Variants in ARPP21 observed in about 807,000 individuals in gnomAD.
ARPP21 encodes cAMP regulated phosphoprotein 21.
A neutral mutation model predicts 113.2 loss-of-function variants in ARPP21; 69 were observed. The ratio of observed to expected loss-of-function variants is 0.61; its 90% CI spans 0.50 to 0.74. The LOEUF is 0.74. Among genes scored for constraint, ARPP21 ranks in the 30% least tolerant of loss-of-function variants. The probability of loss-of-function intolerance (pLI) is 0.00; values close to 1 mark genes in which losing one functional copy is unlikely to be tolerated. For missense variants in ARPP21, 1,070 were observed against 1,037.4 expected (o/e 1.03, Z -0.43); for synonymous variants, 368 against 375.5 (o/e 0.98, Z 0.23).
intron 1 of ARPP21, among the ~76,000 whole-genome samples, chr3:35,663,419 C>A (rs996368593): frequency 6.6e-6 from 1 of 152,170 alleles, no homozygotes; most frequent in Non-Finnish European, 1.5e-5. Flanking sequence ...TGATTTAATC[C>A]CCAGACAAAT....
At chr3:35,685,986 A>T (rs1162207089) in intron 5 of ARPP21, 1 of 185,734 alleles carries the variant, frequency 5.4e-6, no homozygotes, top group Non-Finnish European at 1.0e-5. Context: ...ACATGGCATC[A>T]GTTTGTACAT....
At chr3:35,686,594 C>T (rs1398358293) in intron 5 of ARPP21, among the ~76,000 whole-genome samples, 1 of 151,540 alleles carries the variant, frequency 6.6e-6, no homozygotes, top group African/African-American at 2.4e-5. Context: ...TGAGAGGGTA[C>T]AAGCATCAAT....
At chr3:35,777,062 G>A (rs974508845) in intron 19 of ARPP21, among the ~76,000 whole-genome samples, 4 of 152,076 alleles carry the variant, frequency 2.6e-5, no homozygotes, top group East Asian at 3.9e-4. Context: ...GCTGTACCTC[G>A]GCTCTTGTGG....
chr3:35,740,369 A>G (rs2094582863), intron 18 of ARPP21, among the ~76,000 whole-genome samples: 1 of 152,202 alleles, frequency 6.6e-6, no homozygotes, highest in African/African-American at 2.4e-5. Flanking sequence ...CCTAATTATG[A>G]AGTATTGCAT....
At position 35,674,403 on chromosome 3, in the gene ARPP21, C is replaced by T. The variant is rs550032046; in HGVS notation, c.-212-5384C>T. On this transcript the variant is annotated intron_variant, in intron 1 of 20. Coordinates refer to ENST00000684406, the MANE Select transcript of ARPP21 (RefSeq NM_001385562.1). ...TTCAGTTACACAAGGAATCATGAGGCCATTGCTCAAGTCTGAGATCCTGGC... is the reference window on the plus strand; with the variant it reads ...TTCAGTTACACAAGGAATCATGAGGTCATTGCTCAAGTCTGAGATCCTGGC... 8.4e-4 allele frequency among the ~76,000 whole-genome samples: 128 copies of T among 152,008 alleles called. 1 individual carries two copies. Among genetic ancestry groups the T allele is most frequent in the African/African-American group, 2.2e-3 (92 of 41,516 alleles).
chr3:35,709,876 T>C (rs775202554), intron 11 of ARPP21, among the ~76,000 whole-genome samples: 9 of 152,148 alleles, frequency 5.9e-5, no homozygotes, highest in Non-Finnish European at 1.3e-4. Flanking sequence ...ATGGCAAGCT[T>C]TGCTGAGTCT....
chr3:35,756,884 T>C (rs959581067), intron 19 of ARPP21, among the ~76,000 whole-genome samples: 1 of 152,152 alleles, frequency 6.6e-6, no homozygotes, highest in Non-Finnish European at 1.5e-5. Context: ...TTGAGTATTG[T>C]AGGAATATGC....
At chr3:35,786,509 G>A (rs4678807) in intron 19 of ARPP21, among the ~76,000 whole-genome samples, 72,770 of 150,044 alleles carry the variant, frequency 0.48, 19,800 homozygotes, top group African/African-American at 0.74. Context: ...GCCTGACGAC[G>A]GAGTGAGATT....
At chr3:35,656,085 T>C (rs1704741962) in intron 1 of ARPP21, among the ~76,000 whole-genome samples, 1 of 152,232 alleles carries the variant, frequency 6.6e-6, no homozygotes, top group Middle Eastern at 3.4e-3. Context: ...GAATTTACTT[T>C]CATTTAAAAA....
intron 1 of ARPP21, among the ~76,000 whole-genome samples, chr3:35,663,275 A>G (rs1430575211): frequency 6.6e-6 from 1 of 151,956 alleles, no homozygotes; most frequent in African/African-American, 2.4e-5. Flanking sequence ...CAGTTTTTTC[A>G]AAAAAGCTGT....
chr3:35,658,763 C>T (rs909604490), intron 1 of ARPP21, among the ~76,000 whole-genome samples: 4 of 151,726 alleles, frequency 2.6e-5, no homozygotes, highest in African/African-American at 9.7e-5. Flanking sequence ...CCCTTTTTGG[C>T]CCCCAGGCTC....
At chr3:35,661,341 T>G (rs1707730831) in intron 1 of ARPP21, among the ~76,000 whole-genome samples, 1 of 152,044 alleles carries the variant, frequency 6.6e-6, no homozygotes, top group Non-Finnish European at 1.5e-5. Context: ...AAACTTCACC[T>G]CCTCCAGGCA....
In ARPP21 at chr3:35,791,896, AT is replaced by A. The variant is rs1446829153; in HGVS notation, c.2138-483del. Among the ~76,000 whole-genome samples, 6 of 152,290 alleles carry A rather than the reference AT, an allele frequency of 3.9e-5. No homozygotes were observed. The East Asian group carries it at 1.2e-3, about 29-fold the overall frequency. On this transcript the variant is annotated intron_variant, in intron 19 of 20. Coordinates refer to ENST00000684406, the MANE Select transcript of ARPP21 (RefSeq NM_001385562.1). Reference sequence around the variant, plus strand: ...GTTCACTAGGACATAAAAAAATAGAATTTATCCAAAGTTAATGGGCTGTTTG... The same window carrying A: ...GTTCACTAGGACATAAAAAAATAGAATTATCCAAAGTTAATGGGCTGTTTG...
chr3:35,716,021 T>G (rs1172923010), intron 12 of ARPP21, among the ~76,000 whole-genome samples: 1 of 152,112 alleles, frequency 6.6e-6, no homozygotes, highest in Non-Finnish European at 1.5e-5. Flanking sequence ...GTACCTGGCA[T>G]AGGAGTTAGT....
intron 9 of ARPP21, among the ~76,000 whole-genome samples, chr3:35,694,299 A>G (rs1303430971): frequency 6.6e-6 from 1 of 151,568 alleles, no homozygotes; most frequent in African/African-American, 2.4e-5. Context: ...ATACCCAGAT[A>G]TAATCTATCT....
Position 35,687,723 on chromosome 3 carries a change from A to AT in ARPP21, c.262-10dup, listed in dbSNP as rs777417223. The AT allele has an allele frequency of 1.5e-5, 24 of 1,594,538 alleles. No homozygotes were observed. Among genetic ancestry groups the AT allele is most frequent in the South Asian group, 6.9e-5 (6 of 86,784 alleles). ...ATTAAACCTGGCCCTAAATTATTAT[A>AT]TTTTTTCCCCAACAGGAATCAATTC... On this transcript the variant is annotated splice_polypyrimidine_tract_variant and intron_variant, in intron 5 of 20. Coordinates refer to ENST00000684406, the MANE Select transcript of ARPP21 (RefSeq NM_001385562.1).
At chr3:35,712,584 G>T (rs867279560) in intron 11 of ARPP21, among the ~76,000 whole-genome samples, 1 of 151,354 alleles carries the variant, frequency 6.6e-6, no homozygotes, top group South Asian at 2.1e-4. Context: ...GTGTGTGTGT[G>T]TATGTGTTTG....
chr3:35,752,679 A>T (rs1255341334), intron 19 of ARPP21, among the ~76,000 whole-genome samples: 1 of 152,064 alleles, frequency 6.6e-6, no homozygotes, highest in South Asian at 2.1e-4. Context: ...GTGTCTTGAG[A>T]TTCTACATTT....
chr3:35,703,299 AC>A (rs2087237645), intron 9 of ARPP21, among the ~76,000 whole-genome samples: 1 of 151,878 alleles, frequency 6.6e-6, no homozygotes, highest in Non-Finnish European at 1.5e-5. Context: ...TAAAACTGGG[AC>A]TGAATGACTA....
Sources: gnomAD v4.1 joint callset for allele counts (sites outside exome capture counted in the v4.1 genomes callset) on GRCh38, gnomAD v4.1.1 for gene constraint, MANE v1.5 for transcripts, NCBI Gene and HGNC (gene_info 2026-07-23, HGNC 2026-07-21) for gene names.